The following DGKH variants were observed in gnomAD, a reference collection of about 807,000 sequenced individuals.
DGKH encodes diacylglycerol kinase eta.
Under a neutral mutation model 159.3 loss-of-function variants are expected in DGKH, and 90 were observed. That is an observed-to-expected ratio of 0.57 (90% CI 0.48 to 0.67). DGKH has a LOEUF of 0.67. Ranked by LOEUF, DGKH falls within the 30% of genes least tolerant of loss-of-function variation. The pLI is 0.00. For missense variants in DGKH, 1,181 were observed against 1,506.1 expected (o/e 0.78, Z 3.57); for synonymous variants, 536 against 553.8 (o/e 0.97, Z 0.45).
At chr13:42,170,458 T>C (rs552092843) in intron 11 of DGKH, among the ~76,000 whole-genome samples, 2 of 152,256 alleles carry the variant, frequency 1.3e-5, no homozygotes, top group East Asian at 3.9e-4. Context: ...AAGTCACTTC[T>C]CCAGGTGGTT....
At chr13:42,245,838 C>G (rs1702115817), downstream of DGKH, among the ~76,000 whole-genome samples, 1 of 152,206 alleles carries the variant, frequency 6.6e-6, no homozygotes, top group African/African-American at 2.4e-5. Context: ...CTGCCTCAGC[C>G]TCCCAAAGTG....
At chr13:42,129,354 C>T (rs918405479) in intron 2 of DGKH, among the ~76,000 whole-genome samples, 198 bp from the exon 3 acceptor site, 3 of 152,146 alleles carry the variant, frequency 2.0e-5, no homozygotes, top group Non-Finnish European at 2.9e-5. Flanking sequence ...CTTTAAAGCC[C>T]TTTTCAGTTG....
At position 42,172,044 on chromosome 13, in the gene DGKH, G is replaced by A. The variant is rs191841513; in HGVS notation, c.1368-2016G>A. Among the ~76,000 whole-genome samples, 1,132 of 152,108 alleles carry A rather than the reference G, an allele frequency of 7.4e-3. 15 individuals are homozygous for A. The highest frequency in any genetic ancestry group is 0.026 in the African/African-American group (1,081 of 41,496). On this transcript the variant is annotated intron_variant, in intron 11 of 29. Coordinates refer to ENST00000337343, the MANE Select transcript of DGKH (RefSeq NM_178009.5). ...GGGGTTTCACCATGTTAGCCAGGAT[G>A]GTCTTGATCTCCTGACCTCGTGATC...
chr13:42,059,658 A>T (rs1882002147), intron 1 of DGKH, among the ~76,000 whole-genome samples: 1 of 152,178 alleles, frequency 6.6e-6, no homozygotes, highest in Admixed American at 6.5e-5. Context: ...GGCCTGTTCT[A>T]TTTAATCTTG....
chr13:42,159,242 C>CTATTTTTTTTT (rs1956115128), intron 5 of DGKH, 24 bp from the exon 6 acceptor site: 7 of 159,086 alleles, frequency 4.4e-5, no homozygotes, highest in African/African-American at 1.0e-4. Flanking sequence ...AAAGCAGTTG[C>CTATTTTTTTTT]TCTTTTTTTT....
At position 42,127,579 on chromosome 13, in the gene DGKH, T is replaced by C; in HGVS notation, c.303+6T>C. On this transcript the variant is annotated splice_donor_region_variant and intron_variant, in intron 2 of 29. Coordinates refer to ENST00000337343, the MANE Select transcript of DGKH (RefSeq NM_178009.5). ...ACTATGCAAAGGACTCAAAGGTAAC[T>C]CACGAGAATACTAGTTTCAAGCAAT... 1.2e-6 allele frequency: 2 copies of C among 1,611,650 alleles called. No homozygotes were observed. Among genetic ancestry groups the C allele is most frequent in the Non-Finnish European group, 1.7e-6 (2 of 1,178,350 alleles).
chr13:42,192,494 G>C (rs1030522208), intron 16 of DGKH, among the ~76,000 whole-genome samples: 1 of 151,978 alleles, frequency 6.6e-6, no homozygotes, highest in Non-Finnish European at 1.5e-5. Context: ...ATATACATTT[G>C]ACTGTATCAA....
Position 42,048,934 on chromosome 13 carries a change from A to G in DGKH, c.161A>G (p.Lys54Arg). Residue 54 changes from lysine (K) to arginine (R), a missense_variant, in exon 1 of 30, where the codon AAA becomes AGA. By Grantham distance (26) the Lys-to-Arg change is conservative. This residue lies in a region of DGKH where 136 missense variants were observed against 132.2 expected (regional missense o/e 1.03). Transcript: ENST00000337343. This position sits in a 1 kb window ranked among gnomAD's most constrained non-coding sequence, Gnocchi z 6.7. Reference protein sequence around the residue: ...EQEGPQKLIRKVSTSGQIRTK... With the variant: ...EQEGPQKLIRRVSTSGQIRTK... ...GAGGGACCCCAGAAACTGATCCGCA[A>G]AGTGTCTACCTCGGGGCAGATCCGG... 1 of 1,325,376 alleles carries G rather than the reference A, an allele frequency of 7.5e-7. No homozygotes were observed. The allele number at this position is 1,325,376 out of a possible 1,614,324, so 82.1% of individuals were successfully genotyped here.
At chr13:42,093,244 C>CAA (rs111570773) in intron 1 of DGKH, among the ~76,000 whole-genome samples, 18 of 95,214 alleles carry the variant, frequency 1.9e-4, no homozygotes, top group Non-Finnish European at 2.4e-4. Context: ...ACTCTGTCTC[C>CAA]AAAAAAAAAA....
intron 29 of DGKH, among the ~76,000 whole-genome samples, chr13:42,228,871 T>C (rs996668006): frequency 6.6e-6 from 1 of 152,128 alleles, no homozygotes; most frequent in Non-Finnish European, 1.5e-5. Context: ...TGTCAGGTTA[T>C]TTTTGTTTTA....
At chr13:42,244,534 A>G (rs1182024477), downstream of DGKH, among the ~76,000 whole-genome samples, 2 of 152,240 alleles carry the variant, frequency 1.3e-5, no homozygotes, top group Non-Finnish European at 2.9e-5. Flanking sequence ...ATCACTGAGC[A>G]GAGTGTCAGG....
chr13:42,168,002 G>T (rs1956352203), intron 9 of DGKH, among the ~76,000 whole-genome samples: 2 of 152,170 alleles, frequency 1.3e-5, no homozygotes, highest in African/African-American at 2.4e-5. Flanking sequence ...TGGGAGTCCT[G>T]AGAGCAATAC....
At chr13:42,096,117 C>T (rs1224789994) in intron 1 of DGKH, among the ~76,000 whole-genome samples, 1 of 151,990 alleles carries the variant, frequency 6.6e-6, no homozygotes. Flanking sequence ...CTTTTATGTT[C>T]AGGGGGGTCC....
chr13:42,067,687 GATTT>G lies in DGKH; in HGVS notation c.192+18724_192+18727del, dbSNP rs375039959. 3.8e-4 allele frequency among the ~76,000 whole-genome samples: 57 copies of G among 151,664 alleles called. 1 individual carries two copies. In the East Asian group the frequency reaches 4.6e-3, roughly 12 times the overall value. On this transcript the variant is annotated intron_variant, in intron 1 of 29. Coordinates refer to ENST00000337343, the MANE Select transcript of DGKH (RefSeq NM_178009.5). ...TAGTACATTTCTTGCTTTTATAGTT[GATTT>G]AATTAATTAATTAATTAATTTTTTT...
At chr13:42,092,548 A>C (rs1221891288) in intron 1 of DGKH, among the ~76,000 whole-genome samples, 2 of 152,162 alleles carry the variant, frequency 1.3e-5, no homozygotes, top group Non-Finnish European at 2.9e-5. Context: ...AAAAAGGTGA[A>C]TCTTATTGAG....
chr13:42,211,501 C>A (rs1179168705), intron 24 of DGKH, among the ~76,000 whole-genome samples: 2 of 152,040 alleles, frequency 1.3e-5, no homozygotes, highest in Admixed American at 1.3e-4. Context: ...AGTTCGAGAC[C>A]AGCCTGGCCA....
At chr13:42,102,237 G>A (rs192180822) in intron 1 of DGKH, among the ~76,000 whole-genome samples, 1 of 152,352 alleles carries the variant, frequency 6.6e-6, no homozygotes, top group Non-Finnish European at 1.5e-5. Flanking sequence ...CTGAACTAGA[G>A]AAGTTTAGAG....
intron 1 of DGKH, among the ~76,000 whole-genome samples, chr13:42,085,599 G>T (rs988146590): frequency 2.0e-5 from 3 of 152,154 alleles, no homozygotes; most frequent in Non-Finnish European, 4.4e-5. Context: ...CTATTATGTG[G>T]ATGGAAAGGA....
At chr13:42,179,132 C>G (rs1594153683) in intron 13 of DGKH, among the ~76,000 whole-genome samples, 1 of 152,132 alleles carries the variant, frequency 6.6e-6, no homozygotes, top group Admixed American at 6.5e-5. Context: ...GACTGCACAA[C>G]AGGAAAAGAA....
Sources: allele counts gnomAD v4.1 joint callset (sites outside exome capture counted in the v4.1 genomes callset), GRCh38; gene constraint gnomAD v4.1.1; regional missense constraint gnomAD v4.1.1; non-coding constraint Gnocchi (gnomAD v3.1); transcripts MANE v1.5; gene names NCBI Gene and HGNC (gene_info 2026-07-23, HGNC 2026-07-21).